SPRED2: variants seen among roughly 807,000 people sequenced by gnomAD.
The protein encoded by SPRED2 is sprouty-related, EVH1 domain-containing protein 2.
In SPRED2, 47 loss-of-function variants were observed where a neutral mutation model predicts 43.0. The ratio of observed to expected loss-of-function variants is 1.09; its 90% CI spans 0.87 to 1.40. The LOEUF (loss-of-function observed/expected upper bound fraction) is 1.40. Among genes scored for constraint, SPRED2 ranks in the 40% most tolerant of loss-of-function variants. SPRED2 has a pLI of 0.00. For synonymous variants in SPRED2, 225 were observed against 225.7 expected, an observed-to-expected ratio of 1.00 and a Z score of 0.03; for missense variants, 561 against 586.4, an observed-to-expected ratio of 0.96 and a Z score of 0.45.
chr2:65,378,193 A>G (rs1675290401), intron 1 of SPRED2: 1 of 154,178 alleles, frequency 6.5e-6, no homozygotes, highest in African/African-American at 2.4e-5. Context: ...AGTGAGTAAC[A>G]CTTGTTTGGG....
intron 2 of SPRED2, among the ~76,000 whole-genome samples, chr2:65,339,134 C>CCGTCT (rs1674098914): frequency 7.4e-6 from 1 of 135,846 alleles, no homozygotes; most frequent in Non-Finnish European, 1.6e-5. Flanking sequence ...GCCAGCCGCC[C>CCGTCT]GGTCCAGGAG....
chr2:65,337,107 C>CA (rs200290705), intron 2 of SPRED2, among the ~76,000 whole-genome samples: 3,459 of 146,398 alleles, frequency 0.024, 53 homozygotes, highest in South Asian at 0.051. Context: ...GACTCTGTCT[C>CA]AAAAAAAAAA....
At chr2:65,384,052 T>C (rs897484581) in intron 1 of SPRED2, among the ~76,000 whole-genome samples, 2 of 152,118 alleles carry the variant, frequency 1.3e-5, no homozygotes, top group African/African-American at 4.8e-5. Context: ...TCGCTGCCAC[T>C]GGCTGAGGGA....
At chr2:65,353,400 C>T (rs1242774370) in intron 1 of SPRED2, among the ~76,000 whole-genome samples, 2 of 152,176 alleles carry the variant, frequency 1.3e-5, no homozygotes, top group Non-Finnish European at 2.9e-5. Context: ...TTCCAGTGCA[C>T]ATATTAAAAG....
chr2:65,356,414 T>C (rs1470268262), intron 1 of SPRED2, among the ~76,000 whole-genome samples: 1 of 152,106 alleles, frequency 6.6e-6, no homozygotes, highest in African/African-American at 2.4e-5. Flanking sequence ...GAGAGATTTG[T>C]AGTGTTATGG....
chr2:65,365,836 G>C (rs975280496), intron 1 of SPRED2, among the ~76,000 whole-genome samples: 11 of 152,136 alleles, frequency 7.2e-5, no homozygotes, highest in Non-Finnish European at 1.6e-4. Flanking sequence ...TAACTAGTCA[G>C]ACATTGTTTA....
chr2:65,414,608 G>A (rs376436252), intron 1 of SPRED2, among the ~76,000 whole-genome samples: 302 of 152,304 alleles, frequency 2.0e-3, no homozygotes, highest in African/African-American at 7.1e-3. Flanking sequence ...TTGCTCTACT[G>A]CCAGGTCATT....
At chr2:65,411,401 T>G (rs1304642672) in intron 1 of SPRED2, among the ~76,000 whole-genome samples, 2 of 152,204 alleles carry the variant, frequency 1.3e-5, no homozygotes, top group Non-Finnish European at 2.9e-5. Context: ...CGTTTAATAG[T>G]TACTTAAATT....
intron 1 of SPRED2, among the ~76,000 whole-genome samples, chr2:65,397,878 G>C (rs541574329): frequency 1.3e-5 from 2 of 150,532 alleles, no homozygotes; most frequent in Admixed American, 6.6e-5. Flanking sequence ...CACAGAACTA[G>C]AAAAAAAAAT....
intron 1 of SPRED2, among the ~76,000 whole-genome samples, chr2:65,408,577 G>C (rs542767801): frequency 8.5e-5 from 13 of 152,118 alleles, no homozygotes; most frequent in African/African-American, 2.9e-4. Context: ...AGTTACATAA[G>C]GGGACTTTTG....
chr2:65,366,544 A>G (rs753696263), intron 1 of SPRED2: 1 of 1,536,844 alleles, frequency 6.5e-7, no homozygotes, highest in Non-Finnish European at 8.8e-7. Context: ...GTTAAGAATA[A>G]GAGAACAATG....
chr2:65,314,386 G>A, intron 5 of SPRED2, among the ~76,000 whole-genome samples: 1 of 152,170 alleles, frequency 6.6e-6, no homozygotes, highest in East Asian at 1.9e-4. Flanking sequence ...ATCCATTAAT[G>A]GGCCAGGAAA....
At chr2:65,423,153 T>C (rs1676474018) in intron 1 of SPRED2, among the ~76,000 whole-genome samples, 1 of 152,218 alleles carries the variant, frequency 6.6e-6, no homozygotes, top group African/African-American at 2.4e-5. Flanking sequence ...AACATGGCAT[T>C]CAAGTAGACA....
intron 1 of SPRED2, among the ~76,000 whole-genome samples, chr2:65,400,275 A>C (rs894791199): frequency 1.3e-5 from 2 of 152,184 alleles, no homozygotes; most frequent in Non-Finnish European, 2.9e-5. Flanking sequence ...GGAATAGTCC[A>C]TGGTTATATT....
At chr2:65,338,134 GAA>G (rs1240539772) in intron 2 of SPRED2, among the ~76,000 whole-genome samples, 2 of 150,878 alleles carry the variant, frequency 1.3e-5, no homozygotes, top group South Asian at 2.1e-4. Context: ...TATTGAAAGT[GAA>G]AGAGTCCCTC....
chr2:65,424,270 T>C (rs1376989964), intron 1 of SPRED2, among the ~76,000 whole-genome samples: 2 of 152,104 alleles, frequency 1.3e-5, no homozygotes, highest in African/African-American at 4.8e-5. Flanking sequence ...TTAGTAGTTT[T>C]GAAAAAGCAA....
At chr2:65,360,241 C>CTG (rs1355850073) in intron 1 of SPRED2, among the ~76,000 whole-genome samples, 1 of 152,174 alleles carries the variant, frequency 6.6e-6, no homozygotes, top group African/African-American at 2.4e-5. Flanking sequence ...GAACAACTCT[C>CTG]TGCTCATTTC....
At chr2:65,417,884 T>G (rs1347714504) in intron 1 of SPRED2, among the ~76,000 whole-genome samples, 1 of 152,246 alleles carries the variant, frequency 6.6e-6, no homozygotes, top group African/African-American at 2.4e-5. Flanking sequence ...CACTGACGAG[T>G]GCTGTGAGAA....
intron 1 of SPRED2, among the ~76,000 whole-genome samples, chr2:65,363,524 T>C (rs1558669857): frequency 6.6e-6 from 1 of 152,190 alleles, no homozygotes; most frequent in Non-Finnish European, 1.5e-5. Flanking sequence ...TAGATAATGA[T>C]ATAAGATTTA....
Sources: allele counts gnomAD v4.1 joint callset (sites outside exome capture counted in the v4.1 genomes callset), GRCh38; gene constraint gnomAD v4.1.1; transcripts MANE v1.5; gene names NCBI Gene and HGNC (gene_info 2026-07-23, HGNC 2026-07-21).